MRTFA: variants seen among roughly 807,000 people sequenced by gnomAD.
The protein encoded by MRTFA is myocardin-related transcription factor A.
Under a neutral mutation model 83.5 loss-of-function variants are expected in MRTFA, and 20 were observed. That is an observed-to-expected ratio of 0.24 (90% CI 0.17 to 0.35). The LOEUF (loss-of-function observed/expected upper bound fraction) is 0.35, where lower values mean the gene tolerates loss of function less well. Among genes scored for constraint, MRTFA ranks in the 10% least tolerant of loss-of-function variants. The pLI is 1.00. For missense variants in MRTFA, 1,200 were observed against 1,224.7 expected, an observed-to-expected ratio of 0.98 and a Z score of 0.30; for synonymous variants, 659 against 541.2, an observed-to-expected ratio of 1.22 and a Z score of -3.02.
chr22:40,592,293 T>A (rs1181147759), intron 2 of MRTFA, among the ~76,000 whole-genome samples: 1 of 151,124 alleles, frequency 6.6e-6, no homozygotes, highest in Non-Finnish European at 1.5e-5. Flanking sequence ...AAATTATTTT[T>A]TTTAATTAGC....
intron 3 of MRTFA, among the ~76,000 whole-genome samples, chr22:40,537,685 A>T (rs1292882635): frequency 6.7e-3 from 21 of 3,156 alleles, no homozygotes; most frequent in South Asian, 0.037. Flanking sequence ...GGAGCCCCTC[A>T]GCCCGGCCAG....
chr22:40,574,184 T>C (rs1009858432), intron 2 of MRTFA, among the ~76,000 whole-genome samples: 2 of 152,198 alleles, frequency 1.3e-5, no homozygotes, highest in Non-Finnish European at 2.9e-5. Flanking sequence ...AGCAGTCTTA[T>C]CAGTCATTGC....
chr22:40,452,403 C>A (rs1274724108), intron 4 of MRTFA, among the ~76,000 whole-genome samples: 1 of 152,102 alleles, frequency 6.6e-6, no homozygotes, highest in Non-Finnish European at 1.5e-5. Context: ...GACGTTATAA[C>A]CTTCTTTTAC....
intron 3 of MRTFA, among the ~76,000 whole-genome samples, chr22:40,502,349 C>T (rs551237435): frequency 3.7e-5 from 4 of 109,408 alleles, no homozygotes; most frequent in Admixed American, 2.5e-4. Context: ...TCAGACGGGG[C>T]GGCCGGGCAG....
chr22:40,492,560 A>G (rs2147204666), intron 3 of MRTFA, among the ~76,000 whole-genome samples: 1 of 152,334 alleles, frequency 6.6e-6, no homozygotes, highest in Non-Finnish European at 1.5e-5. Flanking sequence ...CTCAGAACCA[A>G]AAGGCTTCTG....
At chr22:40,461,971 C>A (rs913406798) in intron 4 of MRTFA, among the ~76,000 whole-genome samples, 3 of 152,234 alleles carry the variant, frequency 2.0e-5, no homozygotes, top group Non-Finnish European at 4.4e-5. Flanking sequence ...TTCTGGCCTG[C>A]ACCAGGCCCA....
intron 1 of MRTFA, among the ~76,000 whole-genome samples, chr22:40,630,990 C>G (rs2056635679): frequency 6.6e-6 from 1 of 152,158 alleles, no homozygotes; most frequent in Admixed American, 6.5e-5. Context: ...TTAAGTACTG[C>G]TTCCAGCTAA....
In MRTFA at chr22:40,424,520, T is replaced by C. The variant is rs921714077; in HGVS notation, c.602-139A>G. 10 of 870,342 alleles carry C rather than the reference T, an allele frequency of 1.1e-5. No individual in the cohort carries two copies. In the Admixed American group the frequency reaches 2.0e-4, roughly 18 times the overall value. 53.9% of individuals were successfully genotyped at this position (870,342 alleles called of 1,614,324 possible). On this transcript the variant is annotated intron_variant, in intron 7 of 14. Coordinates refer to ENST00000355630, the MANE Select transcript of MRTFA (RefSeq NM_020831.6). ...CGTGAGGCAGGCAAGCCGAGGAGAC[T>C]AGCAGCCAATCTGCTTTCTTGGTCC... is the stretch of plus-strand genomic sequence containing the variant.
At chr22:40,480,173 AAGGT>A (rs2054063753) in intron 3 of MRTFA, among the ~76,000 whole-genome samples, 1 of 152,170 alleles carries the variant, frequency 6.6e-6, no homozygotes, top group Non-Finnish European at 1.5e-5. Context: ...CATAAAGTAA[AAGGT>A]AGAGCAGAAA....
chr22:40,470,396 T>C lies in MRTFA; in HGVS notation c.242-7110A>G, dbSNP rs1450694294. 2.0e-5 allele frequency among the ~76,000 whole-genome samples: 3 copies of C among 149,896 alleles called. No homozygotes were observed. The East Asian group carries it at 5.9e-4, about 29-fold the overall frequency. On this transcript the variant is annotated intron_variant, in intron 3 of 14. Coordinates refer to ENST00000355630, the MANE Select transcript of MRTFA (RefSeq NM_020831.6). ...AAAGAGAATGAGAGAAATTAGAAAGTACTTTGAACTAAACAATTTATCAAA... is the reference window on the plus strand; with the variant it reads ...AAAGAGAATGAGAGAAATTAGAAAGCACTTTGAACTAAACAATTTATCAAA...
intron 3 of MRTFA, among the ~76,000 whole-genome samples, chr22:40,529,580 G>T (rs1344458152): frequency 6.6e-6 from 1 of 152,146 alleles, no homozygotes; most frequent in Admixed American, 6.5e-5. Context: ...GCTTCCCAAA[G>T]TGCTGAAGAA....
intron 4 of MRTFA, among the ~76,000 whole-genome samples, chr22:40,437,084 T>C (rs1273544865): frequency 1.3e-5 from 2 of 152,172 alleles, no homozygotes; most frequent in African/African-American, 2.4e-5. Context: ...AGATCCCATC[T>C]TCTAACAGAA....
chr22:40,575,692 C>T (rs1328791689), intron 2 of MRTFA, among the ~76,000 whole-genome samples: 1 of 152,142 alleles, frequency 6.6e-6, no homozygotes, highest in Non-Finnish European at 1.5e-5. Flanking sequence ...TTAGTCAAAG[C>T]ATCTGATTTT....
chr22:40,413,223 G>C (rs545386035), intron 14 of MRTFA, among the ~76,000 whole-genome samples: 1 of 151,888 alleles, frequency 6.6e-6, no homozygotes, highest in East Asian at 1.9e-4. Context: ...TGGGAGGCTG[G>C]GACAGGAGGA....
intron 2 of MRTFA, among the ~76,000 whole-genome samples, chr22:40,576,246 G>A (rs547324053): frequency 2.0e-5 from 3 of 151,980 alleles, no homozygotes; most frequent in Non-Finnish European, 4.4e-5. Flanking sequence ...GGCCAGGCTG[G>A]TCTCAAACTC....
chr22:40,567,812 A>G (rs941378979), intron 2 of MRTFA, among the ~76,000 whole-genome samples: 2 of 152,172 alleles, frequency 1.3e-5, no homozygotes, highest in Non-Finnish European at 2.9e-5. Context: ...TTGTTTTCAC[A>G]TGACAATGGG....
At chr22:40,611,420 T>A (rs964326884) in intron 1 of MRTFA, among the ~76,000 whole-genome samples, 1 of 151,704 alleles carries the variant, frequency 6.6e-6, no homozygotes, top group Non-Finnish European at 1.5e-5. Context: ...TTTAATTAAA[T>A]TTTTTGTAGA....
Position 40,514,474 on chromosome 22 carries a change from A to T in MRTFA, c.241+37632T>A, listed in dbSNP as rs967676991. 2.6e-4 allele frequency among the ~76,000 whole-genome samples: 34 copies of T among 129,104 alleles called. No homozygotes were observed. The South Asian group carries it at 3.5e-3, about 13-fold the overall frequency. 84.7% of individuals were successfully genotyped at this position (129,104 alleles called of 152,430 possible). A position where few individuals can be genotyped will look rare whatever the true frequency, so the allele number is the denominator to read the frequency against. On this transcript the variant is annotated intron_variant, in intron 3 of 14. Coordinates refer to ENST00000355630, the MANE Select transcript of MRTFA (RefSeq NM_020831.6). ...CCAAAAACAAAAATGTCCCTCCTAC[A>T]TTTTTTTTTTTTTTTTTTGAGTCAG... is the stretch of plus-strand genomic sequence containing the variant.
At chr22:40,474,819 A>G (rs529869519) in intron 3 of MRTFA, among the ~76,000 whole-genome samples, 1 of 152,248 alleles carries the variant, frequency 6.6e-6, no homozygotes, top group South Asian at 2.1e-4. Context: ...CCATAATTCA[A>G]TTCATGTATT....
Sources: gnomAD v4.1 joint callset for allele counts (sites outside exome capture counted in the v4.1 genomes callset) on GRCh38, gnomAD v4.1.1 for gene constraint, MANE v1.5 for transcripts, NCBI Gene and HGNC (gene_info 2026-07-23, HGNC 2026-07-21) for gene names.